Variants in SH2D4A observed in about 807,000 individuals in gnomAD.
SH2D4A encodes SH2 domain-containing protein 4A.
In SH2D4A, 70 loss-of-function variants were observed where a neutral mutation model predicts 64.7. The ratio of observed to expected loss-of-function variants is 1.08; its 90% CI spans 0.89 to 1.32. The LOEUF is 1.32. SH2D4A is among the 40% of genes most tolerant of loss of function. SH2D4A has a pLI of 0.00. For missense variants in SH2D4A, 706 were observed against 540.1 expected, an observed-to-expected ratio of 1.31 and a Z score of -3.04; for synonymous variants, 268 against 200.7, an observed-to-expected ratio of 1.34 and a Z score of -2.83.
chr8:19,323,624 A>C (rs1004656504), intron 2 of SH2D4A, among the ~76,000 whole-genome samples: 6 of 152,068 alleles, frequency 3.9e-5, no homozygotes, highest in Admixed American at 3.9e-4. Context: ...TAGGTGATCC[A>C]CCTGCCTCGG....
intron 4 of SH2D4A, among the ~76,000 whole-genome samples, chr8:19,346,323 G>A (rs1010195793): frequency 1.3e-5 from 2 of 152,178 alleles, no homozygotes; most frequent in African/African-American, 4.8e-5. Flanking sequence ...CCTGGGCCCC[G>A]CCTCCTGTCA....
intron 4 of SH2D4A, among the ~76,000 whole-genome samples, chr8:19,336,219 C>T (rs2117216998): frequency 6.6e-6 from 1 of 152,318 alleles, no homozygotes; most frequent in African/African-American, 2.4e-5. Flanking sequence ...CCCAGGTCTG[C>T]AGGACCCCCA....
chr8:19,365,866 G>C (rs1290227099), intron 7 of SH2D4A, among the ~76,000 whole-genome samples: 1 of 152,158 alleles, frequency 6.6e-6, no homozygotes, highest in Non-Finnish European at 1.5e-5. Flanking sequence ...CCAAAAAAGA[G>C]CCTAATTTGG....
At position 19,389,202 on chromosome 8, in the gene SH2D4A, G is replaced by C. The variant is rs569703930; in HGVS notation, c.1049-4116G>C. Among the ~76,000 whole-genome samples, 9 of 152,326 alleles carry C rather than the reference G, an allele frequency of 5.9e-5. No individual in the cohort carries two copies. The South Asian group carries it at 1.9e-3, about 32-fold the overall frequency. On this transcript the variant is annotated intron_variant, in intron 8 of 9. Coordinates refer to ENST00000265807, the MANE Select transcript of SH2D4A (RefSeq NM_022071.4). Reference sequence around the variant, plus strand: ...TGAACTGCCCTGTGGGGCAGTCCCTGCCACTTGGATTTCCAACCAGAGCCT... The same window carrying C: ...TGAACTGCCCTGTGGGGCAGTCCCTCCCACTTGGATTTCCAACCAGAGCCT...
At chr8:19,325,032 G>T (rs756089962) in intron 2 of SH2D4A, among the ~76,000 whole-genome samples, 1 of 152,102 alleles carries the variant, frequency 6.6e-6, no homozygotes, top group Non-Finnish European at 1.5e-5. Flanking sequence ...AGACCTGTAA[G>T]CCTTGCAAGC....
At chr8:19,357,146 C>T in intron 4 of SH2D4A, 57 bp from the exon 5 acceptor site, 2 of 1,344,492 alleles carry the variant, frequency 1.5e-6, no homozygotes, top group South Asian at 1.2e-5. Context: ...GACAGATTAT[C>T]TTATGAAACT....
At chr8:19,381,768 T>C (rs181195990) in intron 8 of SH2D4A, among the ~76,000 whole-genome samples, 2 of 152,330 alleles carry the variant, frequency 1.3e-5, no homozygotes, top group Non-Finnish European at 2.9e-5. Flanking sequence ...GTATGATGTT[T>C]GCTGTGGGTT....
intron 3 of SH2D4A, among the ~76,000 whole-genome samples, 158 bp downstream of exon 3, chr8:19,333,272 T>A (rs978957600): frequency 1.2e-4 from 18 of 152,198 alleles, no homozygotes; most frequent in Non-Finnish European, 1.9e-4. Context: ...TGATTTAGAC[T>A]TTTGGTCTAA....
intron 6 of SH2D4A, chr8:19,363,843 C>A: frequency 1.8e-6 from 1 of 545,588 alleles, no homozygotes; most frequent in South Asian, 2.4e-5. Flanking sequence ...TTCCTTTTCT[C>A]TCCCTCTCAG....
intron 8 of SH2D4A, among the ~76,000 whole-genome samples, chr8:19,378,325 T>A (rs1225362858): frequency 6.6e-6 from 1 of 152,374 alleles, no homozygotes; most frequent in African/African-American, 2.4e-5. Flanking sequence ...GCTTGTTGTA[T>A]CATGCACAAT....
intron 4 of SH2D4A, among the ~76,000 whole-genome samples, chr8:19,347,047 C>G (rs771120934): frequency 6.6e-6 from 1 of 152,154 alleles, no homozygotes; most frequent in Admixed American, 6.6e-5. Context: ...AAAGCTGTTG[C>G]CCTCTGTAAA....
chr8:19,364,131 G>T lies in SH2D4A; in HGVS notation c.766G>T (p.Asp256Tyr), dbSNP rs760960542. ...RRSLAKQARE[D>Y]YKRLSLGAQK... ...CTCCTTGGCTAAACAAGCACGAGAAGACTACAAGAGGTTATCCCTCGGGGC... is the reference window on the plus strand; with the variant it reads ...CTCCTTGGCTAAACAAGCACGAGAATACTACAAGAGGTTATCCCTCGGGGC... The change falls in exon 7 of 10, where the codon GAC becomes TAC. Residue 256 changes from aspartate (D) to tyrosine (Y), a missense_variant. Physicochemically the swap from Asp to Tyr is radical, Grantham distance 160 (BLOSUM62 -3). Transcript: ENST00000265807. The T allele has an allele frequency of 6.2e-7, 1 of 1,614,118 alleles. No homozygotes were observed. Among genetic ancestry groups the T allele is most frequent in the South Asian group, 1.1e-5 (1 of 91,076 alleles).
In SH2D4A at chr8:19,335,148, C is replaced by T. The variant is rs375067708; in HGVS notation, c.513+291C>T. Among the ~76,000 whole-genome samples, 55 of 151,982 alleles carry T rather than the reference C, an allele frequency of 3.6e-4. 2 individuals are homozygous for T. The East Asian group carries it at 4.7e-3, about 13-fold the overall frequency. ...AATACAAAAAAAAAAATTAGCTGGG[C>T]GTGGTGGCGGGCGCCTGCAGTCCCA... On this transcript the variant is annotated intron_variant, in intron 4 of 9. Transcript: ENST00000265807.
intron 4 of SH2D4A, among the ~76,000 whole-genome samples, chr8:19,350,933 G>A (rs2117255212): frequency 6.6e-6 from 1 of 152,260 alleles, no homozygotes; most frequent in South Asian, 2.1e-4. Context: ...GGTTTCCATT[G>A]TCCTAATTCA....
chr8:19,383,867 C>T (rs2053341171), intron 8 of SH2D4A, among the ~76,000 whole-genome samples: 1 of 151,944 alleles, frequency 6.6e-6, no homozygotes, highest in Non-Finnish European at 1.5e-5. Context: ...CACTAGATTA[C>T]CTAGGTTTGA....
chr8:19,391,506 G>A (rs1257816937), intron 8 of SH2D4A, among the ~76,000 whole-genome samples: 2 of 152,138 alleles, frequency 1.3e-5, no homozygotes, highest in East Asian at 1.9e-4. Context: ...TAGGAGCAAG[G>A]CCCTGGTCTG....
At chr8:19,315,764 AT>A (rs1227343649) in intron 1 of SH2D4A, among the ~76,000 whole-genome samples, 1 of 152,240 alleles carries the variant, frequency 6.6e-6, no homozygotes, top group African/African-American at 2.4e-5. Context: ...TTGAATCAGT[AT>A]CAGCAATGAT....
intron 5 of SH2D4A, among the ~76,000 whole-genome samples, chr8:19,357,678 A>G (rs2052814643): frequency 6.6e-6 from 1 of 152,174 alleles, no homozygotes; most frequent in Admixed American, 6.5e-5. Flanking sequence ...GAGGGTGAGC[A>G]GCTGCTGTGT....
At chr8:19,390,622 C>G (rs74728526) in intron 8 of SH2D4A, among the ~76,000 whole-genome samples, 22,270 of 152,032 alleles carry the variant, frequency 0.15, 1,821 homozygotes, top group African/African-American at 0.21. Context: ...TCTTACAAAG[C>G]AAAAAAAGCA....
Sources: gnomAD v4.1 joint callset for allele counts (sites outside exome capture counted in the v4.1 genomes callset) on GRCh38, gnomAD v4.1.1 for gene constraint, MANE v1.5 for transcripts, NCBI Gene and HGNC (gene_info 2026-07-23, HGNC 2026-07-21) for gene names.